Variants in SCN7A observed in about 807,000 individuals in gnomAD.
SCN7A encodes sodium channel protein type 7 subunit alpha.
SCN7A carries 138 observed loss-of-function variants against 155.2 expected under a neutral mutation model. That is an observed-to-expected ratio of 0.89 (90% confidence interval 0.77 to 1.02). The LOEUF is 1.02. Ranked by LOEUF, SCN7A falls within the 50% of genes least tolerant of loss-of-function variation. The pLI is 0.00. For missense variants in SCN7A, 2,058 were observed against 1,986.6 expected (o/e 1.04, Z -0.68); for synonymous variants, 693 against 649.0 (o/e 1.07, Z -1.03).
At chr2:166,480,324 G>A (rs1446419314) in intron 2 of SCN7A, among the ~76,000 whole-genome samples, 7 of 152,078 alleles carry the variant, frequency 4.6e-5, no homozygotes, top group Non-Finnish European at 1.0e-4. Context: ...CTGGCGTGGT[G>A]GCGGGCGCCT....
intron 1 of SCN7A, among the ~76,000 whole-genome samples, chr2:166,492,772 T>G (rs539379139): frequency 6.6e-6 from 1 of 152,240 alleles, no homozygotes; most frequent in South Asian, 2.1e-4. Flanking sequence ...TAATCCCTTA[T>G]GTAATCAACA....
rs753952932 is a variant in SCN7A, at chr2:166,472,423, T to G, written c.466A>C (p.Thr156Pro). ...VLENTLLGIYTFEILVKLFAR... is the reference protein window; with the variant it reads ...VLENTLLGIYPFEILVKLFAR... ...AAGAGTTTTACAAGTATTTCAAATG[T>G]GTAAATTCCAAGCAAAGTATTCCTG... The change falls in exon 6 of 26, where the codon ACA becomes CCA. Residue 156 changes from threonine (T) to proline (P), a missense_variant. By Grantham distance (38) the Thr-to-Pro change is conservative. Coordinates refer to ENST00000643258, the MANE Select transcript of SCN7A (RefSeq NM_002976.4). 1.2e-6 allele frequency: 2 copies of G among 1,604,418 alleles called. No individual in the cohort carries two copies. Among genetic ancestry groups the G allele is most frequent in the Non-Finnish European group, 1.7e-6 (2 of 1,174,030 alleles).
At chr2:166,458,322 G>A (rs62176972) in intron 10 of SCN7A, among the ~76,000 whole-genome samples, 15 of 137,742 alleles carry the variant, frequency 1.1e-4, no homozygotes, top group Non-Finnish European at 2.0e-4. Flanking sequence ...GAGTGACCAT[G>A]TATCAAAAAA....
At chr2:166,482,833 A>T (rs1166855906) in intron 2 of SCN7A, among the ~76,000 whole-genome samples, 1 of 151,960 alleles carries the variant, frequency 6.6e-6, no homozygotes, top group Non-Finnish European at 1.5e-5. Context: ...GGTTGAGTGC[A>T]GACTGTTAAA....
chr2:166,421,860 G>A (rs543695320), intron 19 of SCN7A, among the ~76,000 whole-genome samples: 1 of 151,892 alleles, frequency 6.6e-6, no homozygotes, highest in African/African-American at 2.4e-5. Context: ...TATATTAAAG[G>A]TTAATAAATG....
At chr2:166,445,375 GGGGA>G (rs943937636) in intron 12 of SCN7A, among the ~76,000 whole-genome samples, 9 of 150,282 alleles carry the variant, frequency 6.0e-5, no homozygotes, top group Non-Finnish European at 1.0e-4. Flanking sequence ...GGAAGGAAGA[GGGGA>G]GGGAGGGAGG....
At chr2:166,470,522 A>G in intron 7 of SCN7A, 93 bp downstream of exon 7, 1 of 1,056,080 alleles carries the variant, frequency 9.5e-7, no homozygotes, top group South Asian at 1.8e-5. Context: ...ACATTATTCA[A>G]TATTTCCTCT....
chr2:166,472,938 A>C (rs1477190295), intron 5 of SCN7A, among the ~76,000 whole-genome samples: 2 of 151,830 alleles, frequency 1.3e-5, no homozygotes, highest in Non-Finnish European at 2.9e-5. Flanking sequence ...TAAATACTGC[A>C]TGTTCTTACT....
In SCN7A at chr2:166,430,321, A is replaced by G. The variant is rs116478810; in HGVS notation, c.2593-1047T>C. 6.7e-3 allele frequency among the ~76,000 whole-genome samples: 1,018 copies of G among 152,098 alleles called. 6 individuals are homozygous for G. The highest frequency in any genetic ancestry group is 0.023 in the African/African-American group (969 of 41,550). On this transcript the variant is annotated intron_variant, in intron 16 of 25. Coordinates refer to ENST00000643258, the MANE Select transcript of SCN7A (RefSeq NM_002976.4). ...AAATCATTATAGTGCTCAAATAAAA[A>G]AAGTAAAGTATCCAGCAGAATATTA...
intron 11 of SCN7A, among the ~76,000 whole-genome samples, chr2:166,453,857 C>T (rs1189299916): frequency 1.3e-5 from 2 of 152,048 alleles, no homozygotes; most frequent in African/African-American, 2.4e-5. Context: ...TTCCATTTTA[C>T]ATTATTTTTT....
Position 166,423,391 on chromosome 2 carries a change from TTTAA to T in SCN7A, c.2891_2894del (p.Ile964LysfsTer4). Reference sequence around the variant, plus strand: ...TCATGTCAGCATATTCTAATAAAATTTTAATTGTCTTTCTCTGATCCATATATAT... The same window carrying T: ...TCATGTCAGCATATTCTAATAAAATTTTGTCTTTCTCTGATCCATATATAT... On this transcript the variant is annotated frameshift_variant, in exon 19 of 26. Transcript: ENST00000643258. LOFTEE classifies it high-confidence loss of function. 1 of 1,599,306 alleles carries T rather than the reference TTTAA, an allele frequency of 6.3e-7. No homozygotes were observed. The highest frequency in any genetic ancestry group is 8.5e-7 in the Non-Finnish European group (1 of 1,174,348).
intron 7 of SCN7A, among the ~76,000 whole-genome samples, chr2:166,468,302 A>T (rs1027561230): frequency 1.3e-5 from 2 of 152,074 alleles, no homozygotes; most frequent in Non-Finnish European, 2.9e-5. Flanking sequence ...ACAAACAGAG[A>T]GTTGAGAGGA....
chr2:166,486,399 C>T lies in SCN7A; in HGVS notation c.-15+457G>A, dbSNP rs527582564. 2.0e-5 allele frequency among the ~76,000 whole-genome samples: 3 copies of T among 152,312 alleles called. No individual in the cohort carries two copies. In the South Asian group the frequency reaches 6.2e-4, roughly 32 times the overall value. On this transcript the variant is annotated intron_variant, in intron 2 of 25. Coordinates refer to ENST00000643258, the MANE Select transcript of SCN7A (RefSeq NM_002976.4). ...ATTCAGATAGACACAAAACCTTCAACAATGTACCAGACCCTGGAAGGTTGA... is the reference window on the plus strand; with the variant it reads ...ATTCAGATAGACACAAAACCTTCAATAATGTACCAGACCCTGGAAGGTTGA...
intron 1 of SCN7A, among the ~76,000 whole-genome samples, chr2:166,493,093 C>T (rs531487857): frequency 1.3e-5 from 2 of 152,254 alleles, no homozygotes; most frequent in East Asian, 3.9e-4. Context: ...AGGTATGGTG[C>T]CCAGGATTCT....
At chr2:166,426,562 A>G (rs527957038) in intron 18 of SCN7A, among the ~76,000 whole-genome samples, 2 of 152,244 alleles carry the variant, frequency 1.3e-5, no homozygotes, top group East Asian at 1.9e-4. Flanking sequence ...ATTGACTCTG[A>G]TCATTATGAG....
At chr2:166,476,234 A>G (rs1336401557) in intron 3 of SCN7A, among the ~76,000 whole-genome samples, 1 of 151,942 alleles carries the variant, frequency 6.6e-6, no homozygotes, top group Non-Finnish European at 1.5e-5. Context: ...TAAAATGTCA[A>G]TAATCTTCCA....
intron 21 of SCN7A, 102 bp from the exon 22 acceptor site, chr2:166,413,223 A>C (rs1701241042): frequency 1.6e-6 from 1 of 634,630 alleles, no homozygotes; most frequent in Non-Finnish European, 2.8e-6. Flanking sequence ...TAGGCTTGCC[A>C]CACTTCCATA....
chr2:166,441,843 CA>C, intron 14 of SCN7A, 91 bp from the exon 15 acceptor site: 2 of 829,908 alleles, frequency 2.4e-6, no homozygotes, highest in Non-Finnish European at 3.8e-6. Flanking sequence ...TACACATATA[CA>C]TATATAGCCT....
At chr2:166,428,190 C>T (rs1701663602) in intron 17 of SCN7A, among the ~76,000 whole-genome samples, 1 of 151,960 alleles carries the variant, frequency 6.6e-6, no homozygotes, top group African/African-American at 2.4e-5. Flanking sequence ...GCAGAAATGA[C>T]CTACAACATG....
Sources: gnomAD v4.1 joint callset for allele counts (sites outside exome capture counted in the v4.1 genomes callset) on GRCh38, gnomAD v4.1.1 for gene constraint, MANE v1.5 for transcripts, NCBI Gene and HGNC (gene_info 2026-07-23, HGNC 2026-07-21) for gene names.